Variants in MAP3K5 observed in about 807,000 individuals in gnomAD.
MAP3K5 encodes ASK-1.
In MAP3K5, 56 loss-of-function variants were observed where a neutral mutation model predicts 158.7. The ratio of observed to expected loss-of-function variants is 0.35; its 90% CI spans 0.28 to 0.44. The LOEUF is 0.44. MAP3K5 is among the 20% of genes least tolerant of loss of function. The pLI is 1.00. For synonymous variants in MAP3K5, 579 were observed against 601.7 expected (o/e 0.96, Z 0.55); for missense variants, 1,294 against 1,674.8 (o/e 0.77, Z 3.97).
At chr6:136,736,191 C>T (rs745954142) in intron 1 of MAP3K5, among the ~76,000 whole-genome samples, 22 of 152,002 alleles carry the variant, frequency 1.4e-4, no homozygotes, top group African/African-American at 5.1e-4. Flanking sequence ...TGTGGGTGAG[C>T]GCCTGGGAGC....
At chr6:136,604,518 G>T (rs1776020211) in intron 19 of MAP3K5, among the ~76,000 whole-genome samples, 1 of 152,070 alleles carries the variant, frequency 6.6e-6, no homozygotes. Context: ...CAAACTTCCT[G>T]TTGGCCTGGC....
chr6:136,722,674 C>CTTT (rs372343492), intron 1 of MAP3K5, among the ~76,000 whole-genome samples: 6 of 115,588 alleles, frequency 5.2e-5, no homozygotes, highest in South Asian at 2.8e-4. Flanking sequence ...TTTTTTTTTC[C>CTTT]TTTTTTTTTT....
intron 14 of MAP3K5, among the ~76,000 whole-genome samples, chr6:136,633,949 C>T (rs1254224677): frequency 6.6e-6 from 1 of 152,152 alleles, no homozygotes; most frequent in African/African-American, 2.4e-5. Flanking sequence ...TTGAGGTAAA[C>T]ATCAGAAAAT....
chr6:136,756,613 T>G (rs987495314), intron 1 of MAP3K5, among the ~76,000 whole-genome samples: 1 of 152,130 alleles, frequency 6.6e-6, no homozygotes, highest in Non-Finnish European at 1.5e-5. Context: ...TCCTAAATAA[T>G]GAAAGAACAA....
intron 12 of MAP3K5, among the ~76,000 whole-genome samples, chr6:136,642,278 G>A (rs1453794067): frequency 6.6e-6 from 1 of 151,998 alleles, no homozygotes; most frequent in Non-Finnish European, 1.5e-5. Flanking sequence ...AGTTCACATT[G>A]ACCCCACAGT....
intron 25 of MAP3K5, among the ~76,000 whole-genome samples, chr6:136,577,158 T>C (rs1375279165): frequency 6.6e-6 from 1 of 152,220 alleles, no homozygotes. Context: ...TTAACTATAG[T>C]ATCTTGCATC....
intron 9 of MAP3K5, 34 bp from the exon 10 acceptor site, chr6:136,656,494 C>A (rs1435503894): frequency 1.4e-6 from 2 of 1,407,904 alleles, no homozygotes; most frequent in African/African-American, 2.9e-5. Flanking sequence ...ATGTAACAGA[C>A]AAATTTAGAA....
At chr6:136,624,037 T>C (rs1247795620) in intron 14 of MAP3K5, among the ~76,000 whole-genome samples, 1 of 151,858 alleles carries the variant, frequency 6.6e-6, no homozygotes, top group Non-Finnish European at 1.5e-5. Flanking sequence ...CTACTGAAAA[T>C]ACAAAAATTA....
intron 7 of MAP3K5, among the ~76,000 whole-genome samples, chr6:136,679,673 C>T (rs1779850198): frequency 6.6e-6 from 1 of 152,114 alleles, no homozygotes; most frequent in South Asian, 2.1e-4. Context: ...AGTCCTTTTA[C>T]CACGCACATA....
intron 1 of MAP3K5, among the ~76,000 whole-genome samples, chr6:136,772,085 T>A (rs1223097880): frequency 7.3e-6 from 1 of 136,828 alleles, no homozygotes; most frequent in Non-Finnish European, 1.6e-5. Context: ...ATTTTTGTAT[T>A]TTTTAGTAGA....
intron 15 of MAP3K5, among the ~76,000 whole-genome samples, chr6:136,620,933 C>T (rs1007115571): frequency 2.0e-5 from 3 of 152,230 alleles, no homozygotes; most frequent in Admixed American, 6.5e-5. Flanking sequence ...GTTTCCTGAA[C>T]ATTTTTGTTC....
intron 6 of MAP3K5, 117 bp from the exon 7 acceptor site, chr6:136,694,427 A>C (rs1354940885): frequency 7.1e-6 from 6 of 846,448 alleles, no homozygotes; most frequent in Non-Finnish European, 8.8e-6. Flanking sequence ...CCAGGACAGA[A>C]ACAATTAGAT....
At chr6:136,580,482 A>C in intron 24 of MAP3K5, 76 bp from the exon 25 acceptor site, 1 of 824,942 alleles carries the variant, frequency 1.2e-6, no homozygotes, top group Non-Finnish European at 2.0e-6. Flanking sequence ...ACTTGTATGA[A>C]GTTCCATTTA....
At chr6:136,635,788 G>A (rs1777604014) in intron 14 of MAP3K5, among the ~76,000 whole-genome samples, 1 of 151,472 alleles carries the variant, frequency 6.6e-6, no homozygotes, top group South Asian at 2.1e-4. Context: ...GGCTGAAGTG[G>A]GAGGATTGCT....
chr6:136,720,669 A>G (rs1435222337), intron 1 of MAP3K5, 80 bp from the exon 2 acceptor site: 4 of 1,026,926 alleles, frequency 3.9e-6, no homozygotes, highest in Admixed American at 2.7e-5. Flanking sequence ...GAATTATCTT[A>G]GTATTCAAAA....
At chr6:136,737,035 G>GTATATATATATATATATATA (rs1452375249) in intron 1 of MAP3K5, among the ~76,000 whole-genome samples, 9 of 118,710 alleles carry the variant, frequency 7.6e-5, no homozygotes, top group South Asian at 2.3e-4. Flanking sequence ...ATATATGTGT[G>GTATATATATATATATATATA]TGTATATATA....
chr6:136,788,091 AG>A (rs1784921834), intron 1 of MAP3K5, among the ~76,000 whole-genome samples: 1 of 152,228 alleles, frequency 6.6e-6, no homozygotes, highest in African/African-American at 2.4e-5. Flanking sequence ...CTTGAGTAAT[AG>A]GGCAGAGTTG....
At chr6:136,681,427 T>C (rs1779928312) in intron 7 of MAP3K5, among the ~76,000 whole-genome samples, 1 of 152,130 alleles carries the variant, frequency 6.6e-6, no homozygotes, top group Admixed American at 6.5e-5. Context: ...TGAGCCCAAG[T>C]GTTCAAGATC....
chr6:136,694,791 G>A (rs983254816), intron 6 of MAP3K5, among the ~76,000 whole-genome samples: 5 of 152,066 alleles, frequency 3.3e-5, no homozygotes, highest in Admixed American at 6.5e-5. Flanking sequence ...TGATTTCTAC[G>A]TGTGACTAAC....
Sources: gnomAD v4.1 joint callset for allele counts (sites outside exome capture counted in the v4.1 genomes callset) on GRCh38, gnomAD v4.1.1 for gene constraint, MANE v1.5 for transcripts, NCBI Gene and HGNC (gene_info 2026-07-23, HGNC 2026-07-21) for gene names.